POM121C: variants seen among roughly 807,000 people sequenced by gnomAD.
The protein encoded by POM121C is nuclear envelope pore membrane protein POM 121C.
POM121C carries 20 observed loss-of-function variants against 66.4 expected under a neutral mutation model. The observed-to-expected ratio is 0.30, with a 90% CI of 0.21 to 0.44. The LOEUF (loss-of-function observed/expected upper bound fraction) is 0.44. Among genes scored for constraint, POM121C ranks in the 20% least tolerant of loss-of-function variants. POM121C has a pLI of 1.00. For synonymous variants in POM121C, 286 were observed against 528.0 expected, an observed-to-expected ratio of 0.54 and a Z score of 6.28; for missense variants, 580 against 1,225.7, an observed-to-expected ratio of 0.47 and a Z score of 7.87.
At position 75,423,084 on chromosome 7, in the gene POM121C, A is replaced by G. The variant is rs1554471122; in HGVS notation, c.1168T>C (p.Ser390Pro). The change falls in exon 13 of 15, where the codon TCC becomes CCC. Residue 390 changes from serine (S) to proline (P), a missense_variant. Coordinates refer to ENST00000615331, the MANE Select transcript of POM121C (RefSeq NM_001099415.3). Reference sequence around the variant, plus strand: ...CCCAGCAAAGTGGTCGGGGGTTTGGAGTCAAAGGAGGGGCTGGGGAGCAGC... The same window carrying G: ...CCCAGCAAAGTGGTCGGGGGTTTGGGGTCAAAGGAGGGGCTGGGGAGCAGC... Reference protein sequence around the residue: ...PGLLPSPSFDSKPPTTLLGLI... With the variant: ...PGLLPSPSFDPKPPTTLLGLI... 6.5e-7 allele frequency: 1 copy of G among 1,547,078 alleles called. No individual in the cohort carries two copies. The highest frequency in any genetic ancestry group is 1.1e-5 in the South Asian group (1 of 87,094).
chr7:75,477,670 T>C (rs587612735), intron 1 of POM121C, among the ~76,000 whole-genome samples: 5 of 152,052 alleles, frequency 3.3e-5, no homozygotes, highest in Admixed American at 3.3e-4. Context: ...GGCTCATGCC[T>C]GTAATCCCAG....
At chr7:75,463,521 A>G (rs1202482832) in intron 3 of POM121C, among the ~76,000 whole-genome samples, 2 of 150,500 alleles carry the variant, frequency 1.3e-5, no homozygotes, top group Non-Finnish European at 2.9e-5. Flanking sequence ...CTAGTTGAAC[A>G]CAAGCTAACG....
intron 5 of POM121C, 128 bp from the exon 6 acceptor site, chr7:75,439,352 T>C: frequency 2.2e-6 from 3 of 1,365,984 alleles, no homozygotes; most frequent in Non-Finnish European, 3.0e-6. Context: ...GACCAGAAAA[T>C]GGTTGTTTAA....
intron 3 of POM121C, among the ~76,000 whole-genome samples, chr7:75,449,417 T>G (rs1554475309): frequency 6.7e-6 from 1 of 150,122 alleles, no homozygotes; most frequent in Non-Finnish European, 1.5e-5. Context: ...CAGGCTGGAG[T>G]GCAGTGGCAC....
rs587681078 is a variant in POM121C at position 75,416,970 on chromosome 7, C to T, written c.*1826G>A. ...CACACTCACTCTCACTCAGGGTTCC[C>T]GGACCGGCTGTCCTGCCTGCGGAAC... On this transcript the variant is annotated 3_prime_UTR_variant, in exon 15 of 15. Coordinates refer to ENST00000615331, the MANE Select transcript of POM121C (RefSeq NM_001099415.3). The T allele has an allele frequency of 3.7e-5, 50 of 1,358,204 alleles. No homozygotes were observed. In the East Asian group the frequency reaches 1.1e-3, roughly 29 times the overall value. 84.1% of individuals were successfully genotyped at this position (1,358,204 alleles called of 1,614,324 possible).
intron 1 of POM121C, among the ~76,000 whole-genome samples, chr7:75,477,503 T>C (rs1283511911): frequency 1.3e-5 from 2 of 152,068 alleles, no homozygotes; most frequent in African/African-American, 4.8e-5. Context: ...CCTAAATTAC[T>C]TTATAAATAT....
chr7:75,437,934 TCAGTGGATGC>T (rs1413276195), intron 6 of POM121C, among the ~76,000 whole-genome samples: 1 of 152,132 alleles, frequency 6.6e-6, no homozygotes, highest in African/African-American at 2.4e-5. Context: ...AGAAGACAGA[TCAGTGGATGC>T]CTGGGGACAC....
intron 3 of POM121C, among the ~76,000 whole-genome samples, chr7:75,472,405 C>A (rs1345416999): frequency 6.6e-6 from 1 of 151,726 alleles, no homozygotes; most frequent in Non-Finnish European, 1.5e-5. Flanking sequence ...CTCAGCTACT[C>A]GGGAGGCTGA....
chr7:75,425,157 A>C lies in POM121C; in HGVS notation c.685T>G (p.Ser229Ala). ...CCAGAGCTGCCAGGTGTAGACTGAGAATTCGAGTTTTGTTTCTTCCTTGGG... is the reference window on the plus strand; with the variant it reads ...CCAGAGCTGCCAGGTGTAGACTGAGCATTCGAGTTTTGTTTCTTCCTTGGG... Reference protein sequence around the residue: ...TTPRKKQNSNSQSTPGSSGQR... With the variant: ...TTPRKKQNSNAQSTPGSSGQR... Residue 229 changes from serine (S) to alanine (A), a missense_variant, in exon 10 of 15, where the codon TCT becomes GCT. By Grantham distance (99) the Ser-to-Ala change is moderately conservative. Transcript: ENST00000615331. 6.7e-7 allele frequency: 1 copy of C among 1,493,758 alleles called. No individual in the cohort carries two copies. The highest frequency in any genetic ancestry group is 8.9e-7 in the Non-Finnish European group (1 of 1,119,870). 92.5% of individuals were successfully genotyped at this position (1,493,758 alleles called of 1,614,324 possible).
intron 3 of POM121C, among the ~76,000 whole-genome samples, chr7:75,473,290 T>C (rs1791941852): frequency 6.6e-6 from 1 of 151,980 alleles, no homozygotes; most frequent in South Asian, 2.1e-4. Flanking sequence ...TGAGATTAGA[T>C]AAACTCTTTT....
rs184281651 is a variant in POM121C, at chr7:75,478,128, G to A, written c.-457-2940C>T. On this transcript the variant is annotated intron_variant, in intron 1 of 14. Coordinates refer to ENST00000615331, the MANE Select transcript of POM121C (RefSeq NM_001099415.3). ...ATTACAGGCGTGCACCAGCATGCCC[G>A]GCTAATTTTTATATTTTTAGTAGAG... is the stretch of plus-strand genomic sequence containing the variant. 1.2e-4 allele frequency among the ~76,000 whole-genome samples: 19 copies of A among 152,058 alleles called. No homozygotes were observed. The East Asian group carries it at 3.3e-3, about 26-fold the overall frequency.
chr7:75,483,995 A>G (rs1389903640), intron 1 of POM121C, among the ~76,000 whole-genome samples: 11 of 152,052 alleles, frequency 7.2e-5, no homozygotes, highest in Admixed American at 1.3e-4. Flanking sequence ...CCTGCTACTC[A>G]GGAGGCTGAG....
At chr7:75,454,496 C>T (rs782029631) in intron 3 of POM121C, among the ~76,000 whole-genome samples, 5,059 of 148,452 alleles carry the variant, frequency 0.034, no homozygotes, top group African/African-American at 0.12. Flanking sequence ...CGCTCTGTGC[C>T]GGACCCCCTT....
chr7:75,419,431 G>A lies in POM121C; in HGVS notation c.2755C>T (p.Pro919Ser). The change falls in exon 14 of 15, where the codon CCC becomes TCC. Residue 919 changes from proline to serine, a missense_variant. Pro to Ser is a moderately conservative substitution (Grantham distance 74). Transcript: ENST00000615331. ...SKPVFGGTAT[P>S]TFGQNTPAPG... ...GCAGGGGTGTTCTGACCAAAGGTGG[G>A]GGTGGCGGTGCCTGGAATGAAGAGA... 1 of 1,613,250 alleles carries A rather than the reference G, an allele frequency of 6.2e-7. No individual in the cohort carries two copies. Among genetic ancestry groups the A allele is most frequent in the Non-Finnish European group, 8.5e-7 (1 of 1,179,628 alleles).
intron 1 of POM121C, among the ~76,000 whole-genome samples, chr7:75,478,651 G>T (rs1554479720): frequency 6.6e-6 from 1 of 151,394 alleles, no homozygotes; most frequent in African/African-American, 2.4e-5. Context: ...TACTGGAAAA[G>T]ATGAACAGCA....
Position 75,419,503 on chromosome 7 carries a change from G to A in POM121C, c.2744-61C>T, listed in dbSNP as rs1375475494. 87 of 1,589,898 alleles carry A rather than the reference G, an allele frequency of 5.5e-5. 1 individual carries two copies. The Middle Eastern group carries it at 6.2e-4, about 11-fold the overall frequency. ...AGAGGGCGGAGGCAGGCGAGGAGCC[G>A]GGCAGGAGCCTGTGCTCTGCAGGGC... On this transcript the variant is annotated intron_variant, in intron 13 of 14. Transcript: ENST00000615331.
At chr7:75,430,389 G>A (rs1168471474) in intron 7 of POM121C, among the ~76,000 whole-genome samples, 1 of 152,160 alleles carries the variant, frequency 6.6e-6, no homozygotes, top group Admixed American at 6.6e-5. Context: ...GACAAAGGCA[G>A]TGCTGCAGAG....
chr7:75,439,224 C>A lies in POM121C; in HGVS notation c.228G>T (p.Arg76Ser). The change falls in exon 6 of 15, where the codon AGG (arginine) becomes AGT (serine). Residue 76 changes from arginine (R) to serine (S), a missense_variant and splice_region_variant. Physicochemically the swap from Arg to Ser is moderately radical, Grantham distance 110 (BLOSUM62 -1). Transcript: ENST00000615331. ...GTCCACTGCCACTGCTATCATGGCG[C>A]CTGCGACAAATCAAAAAAGTCTCAA... ...IFLDGQENKR[R>S]RHDSSGSGHS... The A allele has an allele frequency of 3.7e-6, 6 of 1,614,220 alleles. No individual in the cohort carries two copies. The highest frequency in any genetic ancestry group is 5.1e-6 in the Non-Finnish European group (6 of 1,180,026).
chr7:75,420,920 A>C (rs1789680145), intron 13 of POM121C: 1 of 163,374 alleles, frequency 6.1e-6, no homozygotes, highest in Admixed American at 5.7e-5. Context: ...TGCATGCGCC[A>C]TCCTGGGCCT....
Sources: gnomAD v4.1 joint callset for allele counts (sites outside exome capture counted in the v4.1 genomes callset) on GRCh38, gnomAD v4.1.1 for gene constraint, MANE v1.5 for transcripts, NCBI Gene and HGNC (gene_info 2026-07-23, HGNC 2026-07-21) for gene names.